Variants in SPTBN1 observed in about 807,000 individuals in gnomAD.
The protein encoded by SPTBN1 is spectrin beta chain, non-erythrocytic 1.
SPTBN1 carries 32 observed loss-of-function variants against 266.4 expected under a neutral mutation model. That is an observed-to-expected ratio of 0.12 (90% CI 0.09 to 0.16). The LOEUF (loss-of-function observed/expected upper bound fraction) is 0.16. SPTBN1 is among the 10% of genes least tolerant of loss of function. SPTBN1 has a pLI of 1.00. For synonymous variants in SPTBN1, 1,336 were observed against 1,162.2 expected, an observed-to-expected ratio of 1.15 and a Z score of -3.04; for missense variants, 2,296 against 3,067.1, an observed-to-expected ratio of 0.75 and a Z score of 5.94.
At chr2:54,497,226 T>A (rs1266058763) in intron 1 of SPTBN1, among the ~76,000 whole-genome samples, 1 of 152,208 alleles carries the variant, frequency 6.6e-6, no homozygotes, top group African/African-American at 2.4e-5. Flanking sequence ...ATGAGCATCA[T>A]GAAAAATGCC....
intron 1 of SPTBN1, among the ~76,000 whole-genome samples, chr2:54,524,825 A>G (rs1005160106): frequency 6.6e-6 from 1 of 152,142 alleles, no homozygotes; most frequent in Non-Finnish European, 1.5e-5. Context: ...CTTTGCCTGA[A>G]ACACTATTAT....
intron 2 of SPTBN1, among the ~76,000 whole-genome samples, chr2:54,557,543 G>A (rs1453981611): frequency 1.3e-5 from 2 of 152,128 alleles, no homozygotes; most frequent in African/African-American, 4.8e-5. Flanking sequence ...TTAAAATTTT[G>A]GAGAACCACA....
chr2:54,642,368 G>A, intron 18 of SPTBN1, among the ~76,000 whole-genome samples: 1 of 152,178 alleles, frequency 6.6e-6, no homozygotes, highest in East Asian at 1.9e-4. Flanking sequence ...AGGTTCTTTA[G>A]AGAACTAGAG....
In SPTBN1 at chr2:54,558,290, A is replaced by G; in HGVS notation, c.148+31724A>G. On this transcript the variant is annotated intron_variant, in intron 2 of 35. Transcript: ENST00000356805. The surrounding 1 kb of genome is among the most constrained non-coding windows in gnomAD (Gnocchi z 4.6). ...TCCTCGTGGTATAGCCTGCATTTCTAATACAATGCTGTTATGCTAATCAGG... is the reference window on the plus strand; with the variant it reads ...TCCTCGTGGTATAGCCTGCATTTCTGATACAATGCTGTTATGCTAATCAGG... The G allele has an allele frequency of 3.0e-6, 3 of 985,450 alleles. No homozygotes were observed. The South Asian group carries it at 1.4e-4, about 46-fold the overall frequency. The allele number at this position is 985,450 out of a possible 1,614,324, so 61.0% of individuals were successfully genotyped here. A position where few individuals can be genotyped will look rare whatever the true frequency, so the allele number is the denominator to read the frequency against.
rs549202311 is a variant in SPTBN1, at chr2:54,511,661, C to T, written c.-47-14711C>T. Among the ~76,000 whole-genome samples the T allele has an allele frequency of 2.5e-3, 381 of 152,090 alleles. 4 individuals carry two copies. Among genetic ancestry groups the T allele is most frequent in the African/African-American group, 8.6e-3 (355 of 41,470 alleles). On this transcript the variant is annotated intron_variant, in intron 1 of 35. Transcript: ENST00000356805. ...GGCAAATCACCTGAGGTCAGGAGTTCGAGACCAGCCTGACCAACATGGTGA... is the reference window on the plus strand; with the variant it reads ...GGCAAATCACCTGAGGTCAGGAGTTTGAGACCAGCCTGACCAACATGGTGA...
chr2:54,563,142 T>A (rs1008624898), intron 2 of SPTBN1, among the ~76,000 whole-genome samples: 18 of 152,174 alleles, frequency 1.2e-4, no homozygotes, highest in Non-Finnish European at 2.2e-4. Flanking sequence ...ATGTTCATAT[T>A]TATATATATA....
chr2:54,650,033 CCATAG>C (rs1680167517), intron 26 of SPTBN1, 44 bp downstream of exon 26: 1 of 1,556,976 alleles, frequency 6.4e-7, no homozygotes, highest in Non-Finnish European at 8.6e-7. Context: ...GGCTTTTTCT[CCATAG>C]AACATCTTTG....
chr2:54,667,459 C>T (rs1425498876), intron 34 of SPTBN1, 145 bp from the exon 35 acceptor site: 2 of 668,736 alleles, frequency 3.0e-6, no homozygotes, highest in East Asian at 2.8e-5. Context: ...TGGGCGGGTC[C>T]CCAGGCTTGG....
rs563510489 is a variant in SPTBN1, at chr2:54,599,316, C to T, written c.300+73C>T. Reference sequence around the variant, plus strand: ...TTTTGAAAAATCAAGTGTGACTTGTCTCCTGTTGAATTCTGCACTTAATGG... The same window carrying T: ...TTTTGAAAAATCAAGTGTGACTTGTTTCCTGTTGAATTCTGCACTTAATGG... On this transcript the variant is annotated intron_variant, in intron 3 of 35. Coordinates refer to ENST00000356805, the MANE Select transcript of SPTBN1 (RefSeq NM_003128.3). 20 of 1,559,186 alleles carry T rather than the reference C, an allele frequency of 1.3e-5. No individual in the cohort carries two copies. The East Asian group carries it at 4.3e-4, about 33-fold the overall frequency.
chr2:54,653,414 A>T lies in SPTBN1; in HGVS notation c.5578-195A>T. On this transcript the variant is annotated intron_variant, in intron 26 of 35. Transcript: ENST00000356805. The surrounding 1 kb of genome is among the most constrained non-coding windows in gnomAD (Gnocchi z 5.1). Reference sequence around the variant, plus strand: ...TCATTCATAAAGAACTTAATAATGTAGTTGAACAGATTTATAGAAAACGGG... The same window carrying T: ...TCATTCATAAAGAACTTAATAATGTTGTTGAACAGATTTATAGAAAACGGG... The T allele has an allele frequency of 1.4e-6, 1 of 711,874 alleles. No individual in the cohort carries two copies. Among genetic ancestry groups the T allele is most frequent in the Non-Finnish European group, 2.2e-6 (1 of 454,310 alleles). The allele number at this position is 711,874 out of a possible 1,614,324, so 44.1% of individuals were successfully genotyped here.
At chr2:54,509,486 C>T (rs1054761947) in intron 1 of SPTBN1, among the ~76,000 whole-genome samples, 5 of 152,216 alleles carry the variant, frequency 3.3e-5, no homozygotes, top group Non-Finnish European at 5.9e-5. Context: ...GTTAGGGCAG[C>T]GGCAGCTGCT....
intron 2 of SPTBN1, among the ~76,000 whole-genome samples, chr2:54,588,342 A>G (rs1007886280): frequency 6.6e-6 from 1 of 152,136 alleles, no homozygotes; most frequent in South Asian, 2.1e-4. Context: ...CCAGACATGG[A>G]TGGTTATGAG....
At chr2:54,594,850 T>TTTTTTTTTC (rs1344318704) in intron 2 of SPTBN1, among the ~76,000 whole-genome samples, 1 of 148,748 alleles carries the variant, frequency 6.7e-6, no homozygotes, top group Non-Finnish European at 1.5e-5. Flanking sequence ...TTTTTTTTTT[T>TTTTTTTTTC]TGAGACAGAG....
At chr2:54,573,290 G>T (rs1333818637) in intron 2 of SPTBN1, among the ~76,000 whole-genome samples, 1 of 152,148 alleles carries the variant, frequency 6.6e-6, no homozygotes, top group Non-Finnish European at 1.5e-5. Flanking sequence ...TGGAGGAAAT[G>T]GGGAGTTGGT....
chr2:54,502,189 G>C (rs76307324), intron 1 of SPTBN1, among the ~76,000 whole-genome samples: 1,891 of 152,242 alleles, frequency 0.012, 26 homozygotes, highest in Middle Eastern at 0.041. Flanking sequence ...GGTTCTGATC[G>C]GGGAGCTGGC....
chr2:54,537,683 T>G (rs1425098915), intron 2 of SPTBN1, among the ~76,000 whole-genome samples: 1 of 152,158 alleles, frequency 6.6e-6, no homozygotes, highest in Non-Finnish European at 1.5e-5. Context: ...CAACAGAAAT[T>G]AAGGCTTTTC....
rs1671354976 is a variant in SPTBN1, at chr2:54,533,082, T to C, written c.148+6516T>C. On this transcript the variant is annotated intron_variant, in intron 2 of 35. Coordinates refer to ENST00000356805, the MANE Select transcript of SPTBN1 (RefSeq NM_003128.3). This position sits in a 1 kb window ranked among gnomAD's most constrained non-coding sequence, Gnocchi z 4.2. ...GGCCATTATTAAGTCAAATAAGGGT[T>C]ACCTGACAGTTAATCTGATAATCAA... is the stretch of plus-strand genomic sequence containing the variant. Among the ~76,000 whole-genome samples, 1 of 152,174 alleles carries C rather than the reference T, an allele frequency of 6.6e-6. No individual in the cohort carries two copies. The highest frequency in any genetic ancestry group is 2.4e-5 in the African/African-American group (1 of 41,430).
intron 2 of SPTBN1, among the ~76,000 whole-genome samples, chr2:54,548,434 T>C (rs1231203107): frequency 6.6e-6 from 1 of 152,142 alleles, no homozygotes; most frequent in African/African-American, 2.4e-5. Flanking sequence ...TAAACAGATA[T>C]CACTCATCTA....
At chr2:54,575,993 T>C (rs1674436077) in intron 2 of SPTBN1, among the ~76,000 whole-genome samples, 1 of 150,834 alleles carries the variant, frequency 6.6e-6, no homozygotes, top group African/African-American at 2.4e-5. Flanking sequence ...GTAGCAGGGA[T>C]AGGGAGAGAG....
Sources: gnomAD v4.1 joint callset for allele counts (sites outside exome capture counted in the v4.1 genomes callset) on GRCh38, gnomAD v4.1.1 for gene constraint, Gnocchi (gnomAD v3.1) non-coding constraint, MANE v1.5 for transcripts, NCBI Gene and HGNC (gene_info 2026-07-23, HGNC 2026-07-21) for gene names.